Variants in CNTNAP2 observed in about 807,000 individuals in gnomAD.
The protein encoded by CNTNAP2 is contactin-associated protein-like 2.
In CNTNAP2, 98 loss-of-function variants were observed where a neutral mutation model predicts 155.2. The observed-to-expected ratio is 0.63, with a 90% CI of 0.54 to 0.75. The LOEUF is 0.75. Among genes scored for constraint, CNTNAP2 ranks in the 30% least tolerant of loss-of-function variants. The probability of loss-of-function intolerance (pLI) is 0.00; values close to 1 mark genes in which losing one functional copy is unlikely to be tolerated. For synonymous variants in CNTNAP2, 651 were observed against 631.2 expected (o/e 1.03, Z -0.47); for missense variants, 1,727 against 1,688.1 (o/e 1.02, Z -0.40).
chr7:147,527,179 T>A (rs1464962780), intron 11 of CNTNAP2, among the ~76,000 whole-genome samples: 1 of 151,660 alleles, frequency 6.6e-6, no homozygotes, highest in East Asian at 1.9e-4. Flanking sequence ...CCCACCACCA[T>A]GTATGGCTAA....
chr7:146,859,279 G>C (rs901920965), intron 3 of CNTNAP2, among the ~76,000 whole-genome samples: 2 of 152,200 alleles, frequency 1.3e-5, no homozygotes, highest in Non-Finnish European at 1.5e-5. Flanking sequence ...TCTGTTGACA[G>C]AACACCAGTA....
intron 12 of CNTNAP2, among the ~76,000 whole-genome samples, chr7:147,592,235 A>G (rs1800748489): frequency 6.6e-6 from 1 of 152,196 alleles, no homozygotes; most frequent in Non-Finnish European, 1.5e-5. Context: ...AGGAATAAAA[A>G]TGATTAGATA....
chr7:148,083,244 A>AT (rs1243978590), intron 15 of CNTNAP2, among the ~76,000 whole-genome samples: 1 of 151,982 alleles, frequency 6.6e-6, no homozygotes, highest in African/African-American at 2.4e-5. Context: ...AAAAATAATG[A>AT]TTTTCTTAAA....
chr7:147,819,580 T>C (rs1415560062), intron 13 of CNTNAP2, among the ~76,000 whole-genome samples: 1 of 152,204 alleles, frequency 6.6e-6, no homozygotes. Context: ...AAATGCAGAC[T>C]CTAAGCACAC....
intron 14 of CNTNAP2, among the ~76,000 whole-genome samples, chr7:147,933,494 G>GAGGTAGAT (rs1554451554): frequency 1.7e-5 from 2 of 120,656 alleles, no homozygotes; most frequent in Non-Finnish European, 3.6e-5. Context: ...CAGAAAATGT[G>GAGGTAGAT]AGATAGATAG....
chr7:146,876,988 T>C (rs1795442188), intron 3 of CNTNAP2, among the ~76,000 whole-genome samples: 1 of 152,178 alleles, frequency 6.6e-6, no homozygotes, highest in South Asian at 2.1e-4. Context: ...TTTTTACTTT[T>C]AACTACTGCT....
intron 15 of CNTNAP2, among the ~76,000 whole-genome samples, chr7:148,057,454 GAGA>G (rs1279853869): frequency 7.9e-5 from 12 of 152,166 alleles, no homozygotes; most frequent in African/African-American, 2.9e-4. Flanking sequence ...TCATCAGCCT[GAGA>G]AGAACTCAGG....
chr7:146,189,907 TG>T (rs1169508217), intron 1 of CNTNAP2, among the ~76,000 whole-genome samples: 2 of 152,206 alleles, frequency 1.3e-5, no homozygotes, highest in Non-Finnish European at 2.9e-5. Context: ...TATGAAATAC[TG>T]TCCAATCACT....
At chr7:146,406,247 A>C (rs1795789842) in intron 1 of CNTNAP2, among the ~76,000 whole-genome samples, 1 of 152,230 alleles carries the variant, frequency 6.6e-6, no homozygotes, top group South Asian at 2.1e-4. Flanking sequence ...ACCTTAGGAC[A>C]GGGCACTGTT....
chr7:147,422,148 ATG>A (rs1223791681), intron 10 of CNTNAP2, among the ~76,000 whole-genome samples: 1 of 148,036 alleles, frequency 6.8e-6, no homozygotes, highest in Admixed American at 6.8e-5. Context: ...TATATATAGT[ATG>A]TATATATACA....
At chr7:146,154,577 G>A (rs1798097306) in intron 1 of CNTNAP2, among the ~76,000 whole-genome samples, 1 of 152,176 alleles carries the variant, frequency 6.6e-6, no homozygotes, top group African/African-American at 2.4e-5. Flanking sequence ...TCATTAGTTA[G>A]TTTGGTCTGA....
chr7:148,124,081 G>A (rs1804662010), intron 16 of CNTNAP2, among the ~76,000 whole-genome samples: 1 of 152,094 alleles, frequency 6.6e-6, no homozygotes, highest in Admixed American at 6.5e-5. Context: ...TAGAGAAGGG[G>A]GATTGGTAAT....
chr7:146,683,665 C>G (rs986626117), intron 1 of CNTNAP2, among the ~76,000 whole-genome samples: 2 of 152,132 alleles, frequency 1.3e-5, no homozygotes, highest in Non-Finnish European at 2.9e-5. Flanking sequence ...CAATGAGTCA[C>G]TTACCCCATA....
chr7:147,878,567 C>G (rs1258162327), intron 13 of CNTNAP2, among the ~76,000 whole-genome samples: 1 of 151,748 alleles, frequency 6.6e-6, no homozygotes, highest in Non-Finnish European at 1.5e-5. Context: ...GTCTTTTTAT[C>G]AAATACTTTT....
rs562093214 is a variant in CNTNAP2 at position 148,001,818 on chromosome 7, G to A, written c.2383+23829G>A. ...CAAAAATATTTCTGTAAAATTTTCT[G>A]GTCTATTTTTTTCAGGTTGGTACTT... On this transcript the variant is annotated intron_variant, in intron 15 of 23. Coordinates refer to ENST00000361727, the MANE Select transcript of CNTNAP2 (RefSeq NM_014141.6). 6.4e-4 allele frequency among the ~76,000 whole-genome samples: 97 copies of A among 151,994 alleles called. 1 individual carries two copies. Among genetic ancestry groups the A allele is most frequent in the African/African-American group, 2.3e-3 (94 of 41,458 alleles).
chr7:148,032,712 G>C (rs2189882), intron 15 of CNTNAP2, among the ~76,000 whole-genome samples: 1 of 151,914 alleles, frequency 6.6e-6, no homozygotes, highest in South Asian at 2.1e-4. Flanking sequence ...GCCCTTGGGC[G>C]CTAAGCAGAA....
intron 13 of CNTNAP2, among the ~76,000 whole-genome samples, chr7:147,742,467 G>T (rs932469857): frequency 6.6e-6 from 1 of 152,140 alleles, no homozygotes; most frequent in Non-Finnish European, 1.5e-5. Context: ...TCTGTTATCA[G>T]TGTTTCGACA....
chr7:147,471,208 A>G (rs1183359048), intron 10 of CNTNAP2, among the ~76,000 whole-genome samples: 1 of 152,226 alleles, frequency 6.6e-6, no homozygotes, highest in East Asian at 1.9e-4. Flanking sequence ...TGCAATATGG[A>G]GACCATAGCA....
intron 14 of CNTNAP2, among the ~76,000 whole-genome samples, chr7:147,935,793 G>T (rs13243208): frequency 0.23 from 34,217 of 151,872 alleles, 5,136 homozygotes; most frequent in East Asian, 0.56. Context: ...TAACTATACT[G>T]CCTTTATTCA....
Sources: allele counts gnomAD v4.1 joint callset (sites outside exome capture counted in the v4.1 genomes callset), GRCh38; gene constraint gnomAD v4.1.1; transcripts MANE v1.5; gene names NCBI Gene and HGNC (gene_info 2026-07-23, HGNC 2026-07-21).